The following TNFSF8 variants were observed in gnomAD, a reference collection of about 807,000 sequenced individuals.
The protein encoded by TNFSF8 is TNF superfamily member 8.
Under a neutral mutation model 22.0 loss-of-function variants are expected in TNFSF8, and 4 were observed. The ratio of observed to expected loss-of-function variants is 0.18; its 90% CI spans 0.09 to 0.42. TNFSF8 has a LOEUF of 0.42. Ranked by LOEUF, TNFSF8 falls within the 10% of genes least tolerant of loss-of-function variation. The pLI, the probability that TNFSF8 is intolerant of heterozygous loss-of-function variation, is 1.00. For synonymous variants in TNFSF8, 106 were observed against 112.5 expected (o/e 0.94, Z 0.37); for missense variants, 233 against 281.8 (o/e 0.83, Z 1.24).
chr9:114,916,988 A>G (rs561685725), intron 2 of TNFSF8, among the ~76,000 whole-genome samples: 2 of 152,344 alleles, frequency 1.3e-5, no homozygotes, highest in East Asian at 1.9e-4. Flanking sequence ...TGACAAGGCT[A>G]TGATTATTAG....
At chr9:114,900,915 G>A (rs1008761207), downstream of TNFSF8, among the ~76,000 whole-genome samples, 2 of 152,164 alleles carry the variant, frequency 1.3e-5, no homozygotes, top group African/African-American at 4.8e-5. Flanking sequence ...CCAGGAAGGG[G>A]AGGCTGCAGT....
At chr9:114,905,599 G>A (rs879479665) in intron 3 of TNFSF8, among the ~76,000 whole-genome samples, 1 of 152,198 alleles carries the variant, frequency 6.6e-6, no homozygotes, top group African/African-American at 2.4e-5. Context: ...CAACATAAAG[G>A]AGTGAATGGG....
intron 2 of TNFSF8, among the ~76,000 whole-genome samples, chr9:114,911,533 A>G (rs1409362014): frequency 1.3e-5 from 2 of 152,202 alleles, no homozygotes; most frequent in East Asian, 3.9e-4. Flanking sequence ...CACTAAGCCA[A>G]CTAGTAATAG....
chr9:114,919,401 A>G (rs1339809953), intron 1 of TNFSF8, among the ~76,000 whole-genome samples: 2 of 152,146 alleles, frequency 1.3e-5, no homozygotes, highest in African/African-American at 2.4e-5. Flanking sequence ...GACTAAAGGG[A>G]GGTTCTAGTT....
chr9:114,896,274 G>C (rs1219003724), downstream of TNFSF8, among the ~76,000 whole-genome samples: 1 of 152,084 alleles, frequency 6.6e-6, no homozygotes, highest in Non-Finnish European at 1.5e-5. Flanking sequence ...AAGCTCTCTG[G>C]TGATACCAGG....
chr9:114,925,982 TAA>T (rs944242881), intron 1 of TNFSF8, among the ~76,000 whole-genome samples: 8 of 152,194 alleles, frequency 5.3e-5, no homozygotes, highest in African/African-American at 1.9e-4. Context: ...CTTGAGGAGA[TAA>T]GAGAAGTTTT....
intron 1 of TNFSF8, among the ~76,000 whole-genome samples, chr9:114,925,629 A>G (rs1023867015): frequency 3.3e-5 from 5 of 151,728 alleles, no homozygotes; most frequent in African/African-American, 1.2e-4. Flanking sequence ...ACCAATAATT[A>G]CTCCCCTTAA....
chr9:114,901,254 A>C lies in TNFSF8; in HGVS notation c.*2677T>G. ...GCTGGTTAACCCTCAAGAGTAACAG[A>C]ATTTAGTTTTAAACTTCCTGGGTTG... On this transcript the variant is annotated 3_prime_UTR_variant, in exon 4 of 4. Coordinates refer to ENST00000223795, the MANE Select transcript of TNFSF8 (RefSeq NM_001244.4). The C allele has an allele frequency of 1.0e-6, 1 of 985,394 alleles. No individual in the cohort carries two copies. The highest frequency in any genetic ancestry group is 1.2e-6 in the Non-Finnish European group (1 of 829,922). The allele number at this position is 985,394 out of a possible 1,614,324, so 61.0% of individuals were successfully genotyped here.
chr9:114,922,658 A>T (rs1828003658), intron 1 of TNFSF8, among the ~76,000 whole-genome samples: 2 of 152,194 alleles, frequency 1.3e-5, no homozygotes, highest in African/African-American at 4.8e-5. Context: ...TGAGGGCAGG[A>T]TAAAGCTGAG....
At chr9:114,920,653 G>C (rs371247661) in intron 1 of TNFSF8, among the ~76,000 whole-genome samples, 2 of 152,014 alleles carry the variant, frequency 1.3e-5, no homozygotes, top group African/African-American at 4.8e-5. Flanking sequence ...TGCAGATTTG[G>C]GGGGAGTTTA....
chr9:114,924,114 C>A (rs1377231231), intron 1 of TNFSF8, among the ~76,000 whole-genome samples: 1 of 152,064 alleles, frequency 6.6e-6, no homozygotes, highest in African/African-American at 2.4e-5. Flanking sequence ...AAACAAACAC[C>A]AAAGGGCAAA....
chr9:114,905,871 G>A lies in TNFSF8; in HGVS notation c.267C>T (p.Ile89=). 1 of 1,612,474 alleles carries A rather than the reference G, an allele frequency of 6.2e-7. No homozygotes were observed. The highest frequency in any genetic ancestry group is 1.3e-5 in the African/African-American group (1 of 75,004). ...ACTTCTTGAATGGAGCCCTTTTCAG[G>A]ATACATAAGAGGTCTTCTGAGCAAT... ...GGNCSEDLLC[I]LKRAPFKKSW... Residue 89 remains isoleucine, a synonymous_variant, in exon 3 of 4, where the codon ATC becomes ATT. Coordinates refer to ENST00000223795, the MANE Select transcript of TNFSF8 (RefSeq NM_001244.4).
intron 2 of TNFSF8, among the ~76,000 whole-genome samples, chr9:114,908,143 A>G (rs1422010670): frequency 4.6e-5 from 7 of 152,124 alleles, no homozygotes; most frequent in Admixed American, 2.0e-4. Context: ...TCCTTTGCCT[A>G]TTTGCCCATT....
At chr9:114,898,085 C>A (rs901882538), downstream of TNFSF8, among the ~76,000 whole-genome samples, 1 of 151,582 alleles carries the variant, frequency 6.6e-6, no homozygotes, top group Non-Finnish European at 1.5e-5. Flanking sequence ...TCACTGCAAC[C>A]TCTGCCTCCT....
chr9:114,923,478 T>TTTTCTTCCTTTCTTTC (rs1828014777), intron 1 of TNFSF8, among the ~76,000 whole-genome samples: 2 of 105,682 alleles, frequency 1.9e-5, no homozygotes, highest in Non-Finnish European at 3.7e-5. Flanking sequence ...TTTTCTTTCT[T>TTTTCTTCCTTTCTTTC]TTTCTTTCTT....
intron 2 of TNFSF8, among the ~76,000 whole-genome samples, chr9:114,906,492 A>G (rs1320588047): frequency 6.6e-6 from 1 of 152,230 alleles, no homozygotes; most frequent in African/African-American, 2.4e-5. Flanking sequence ...GGTCAATACC[A>G]TCGCCTAAGT....
Position 114,902,317 on chromosome 9 carries a change from T to C in TNFSF8, c.*1614A>G. ...GCGGAACTGGTTTTCTGAGAGGTGTTTGAAGCAGGAATATATTATGCAGGG... is the reference window on the plus strand; with the variant it reads ...GCGGAACTGGTTTTCTGAGAGGTGTCTGAAGCAGGAATATATTATGCAGGG... On this transcript the variant is annotated 3_prime_UTR_variant, in exon 4 of 4. Coordinates refer to ENST00000223795, the MANE Select transcript of TNFSF8 (RefSeq NM_001244.4). 1.0e-6 allele frequency: 1 copy of C among 985,420 alleles called. No individual in the cohort carries two copies. Among genetic ancestry groups the C allele is most frequent in the African/African-American group, 1.7e-5 (1 of 57,356 alleles). The allele number at this position is 985,420 out of a possible 1,614,324, so 61.0% of individuals were successfully genotyped here.
chr9:114,919,206 T>A (rs1827958275), intron 1 of TNFSF8, among the ~76,000 whole-genome samples: 1 of 152,150 alleles, frequency 6.6e-6, no homozygotes, highest in African/African-American at 2.4e-5. Context: ...TACAAGTTTA[T>A]ATTTAAATAT....
chr9:114,908,506 C>G (rs1827812230), intron 2 of TNFSF8, among the ~76,000 whole-genome samples: 1 of 152,144 alleles, frequency 6.6e-6, no homozygotes, highest in African/African-American at 2.4e-5. Flanking sequence ...TTCTCCTTAC[C>G]CCTTATGGCA....
Sources: allele counts gnomAD v4.1 joint callset (sites outside exome capture counted in the v4.1 genomes callset), GRCh38; gene constraint gnomAD v4.1.1; transcripts MANE v1.5; gene names NCBI Gene and HGNC (gene_info 2026-07-23, HGNC 2026-07-21).